The following COQ8A variants were observed in gnomAD, a reference collection of about 807,000 sequenced individuals.
The protein encoded by COQ8A is coenzyme Q8A.
COQ8A carries 51 observed loss-of-function variants against 65.0 expected under a neutral mutation model. The ratio of observed to expected loss-of-function variants is 0.78; its 90% CI spans 0.63 to 0.99. The LOEUF is 0.99. COQ8A is among the 50% of genes least tolerant of loss of function. The pLI is 0.00. For missense variants in COQ8A, 940 were observed against 875.0 expected (o/e 1.07, Z -0.94); for synonymous variants, 371 against 353.2 (o/e 1.05, Z -0.57).
At chr1:226,951,736 A>T (rs1373905223) in intron 1 of COQ8A, among the ~76,000 whole-genome samples, 2 of 152,090 alleles carry the variant, frequency 1.3e-5, no homozygotes, top group Non-Finnish European at 2.9e-5. Context: ...TGGGTCATAG[A>T]TCTTTCTTGC....
chr1:226,986,374 C>G lies in COQ8A; in HGVS notation c.1660-79C>G, dbSNP rs1660113093. 8 of 1,517,206 alleles carry G rather than the reference C, an allele frequency of 5.3e-6. No individual in the cohort carries two copies. In the South Asian group the frequency reaches 8.0e-5, roughly 15 times the overall value. 94.0% of individuals were successfully genotyped at this position (1,517,206 alleles called of 1,614,324 possible). A position where few individuals can be genotyped will look rare whatever the true frequency, so the allele number is the denominator to read the frequency against. On this transcript the variant is annotated intron_variant, in intron 14 of 14. Transcript: ENST00000366777. ...GAGCTTTGAATGAGAACTCAGCGCC[C>G]CGGGCACTGTGGGAGGAACCCGGGC...
At chr1:226,968,707 C>G (rs1318257140) in intron 4 of COQ8A, among the ~76,000 whole-genome samples, 1 of 152,022 alleles carries the variant, frequency 6.6e-6, no homozygotes, top group Non-Finnish European at 1.5e-5. Context: ...GGGTTTTCAG[C>G]GAGGTTGGCA....
chr1:226,982,966 G>A lies in COQ8A; in HGVS notation c.1012G>A (p.Ala338Thr), dbSNP rs370159265. 9 of 1,604,390 alleles carry A rather than the reference G, an allele frequency of 5.6e-6. No individual in the cohort carries two copies. The highest frequency in any genetic ancestry group is 1.7e-4 in the Middle Eastern group (1 of 5,990). The part of the protein sequence containing the change: ...LEYFEERPFA[A>T]ASIGQVHLAR... ...ATACTTCGAGGAGCGGCCCTTCGCC[G>A]CCGCATCCATTGGGCAGGTGCACTT... Residue 338 changes from alanine (A) to threonine (T), a missense_variant, in exon 8 of 15, where the codon GCC (alanine) becomes ACC (threonine). Ala to Thr is a moderately conservative substitution (Grantham distance 58). Transcript: ENST00000366777.
At chr1:226,983,070 G>A (rs778746399) in intron 8 of COQ8A, 36 bp downstream of exon 8, 11 of 1,557,460 alleles carry the variant, frequency 7.1e-6, no homozygotes, top group Non-Finnish European at 8.7e-6. Flanking sequence ...GTCCCTATGG[G>A]GGCTGCAAGG....
intron 4 of COQ8A, among the ~76,000 whole-genome samples, chr1:226,974,625 G>T (rs1008818903): frequency 6.6e-6 from 1 of 152,206 alleles, no homozygotes; most frequent in African/African-American, 2.4e-5. Context: ...TCTGGGGCGG[G>T]AGGGCCTCAG....
Position 226,983,745 on chromosome 1 carries a change from C to T in COQ8A, c.1163-16C>T. 6.2e-7 allele frequency: 1 copy of T among 1,613,110 alleles called. No individual in the cohort carries two copies. The highest frequency in any genetic ancestry group is 8.5e-7 in the Non-Finnish European group (1 of 1,179,918). ...CAGAGCCCCCTTCCTCGCTGATGCC[C>T]TCCTCCCTGGCCCAGGCCTGTTCCC... On this transcript the variant is annotated splice_polypyrimidine_tract_variant and intron_variant, in intron 9 of 14. Coordinates refer to ENST00000366777, the MANE Select transcript of COQ8A (RefSeq NM_020247.5).
Position 226,965,061 on chromosome 1 carries a change from A to G in COQ8A, c.239A>G (p.His80Arg), listed in dbSNP as rs565407649. 1 of 1,613,962 alleles carries G rather than the reference A, an allele frequency of 6.2e-7. No individual in the cohort carries two copies. The highest frequency in any genetic ancestry group is 8.5e-7 in the Non-Finnish European group (1 of 1,180,016). ...TTCGGCGGCCCAGAAGGGGAGTTCC[A>G]CTTCTCAGTCCCGCATGCAGCCGGA... The part of the protein sequence containing the change: ...ENFGGPEGEF[H>R]FSVPHAAGAS... Residue 80 changes from histidine to arginine, a missense_variant, in exon 3 of 15, where the codon CAC becomes CGC. His to Arg is a conservative substitution (Grantham distance 29, BLOSUM62 0). Transcript: ENST00000366777.
In COQ8A at chr1:226,983,868, C is replaced by G. The variant is rs1488552393; in HGVS notation, c.1256+14C>G. The G allele has an allele frequency of 1.3e-6, 2 of 1,593,762 alleles. No homozygotes were observed. Among genetic ancestry groups the G allele is most frequent in the African/African-American group, 1.4e-5 (1 of 72,262 alleles). On this transcript the variant is annotated intron_variant, in intron 10 of 14. Coordinates refer to ENST00000366777, the MANE Select transcript of COQ8A (RefSeq NM_020247.5). ...CCGCAAGTTCAGGTGTGGCCCCCGG[C>G]CGGGCCCCTTGCGTGTTTGCACCAG...
At chr1:226,978,945 C>CTGA (rs1659525633) in intron 5 of COQ8A, among the ~76,000 whole-genome samples, 1 of 150,616 alleles carries the variant, frequency 6.6e-6, no homozygotes, top group African/African-American at 2.4e-5. Flanking sequence ...CACACACCCA[C>CTGA]ACACCTTACC....
intron 1 of COQ8A, among the ~76,000 whole-genome samples, chr1:226,955,927 C>T (rs1338008234): frequency 7.0e-6 from 1 of 141,964 alleles, no homozygotes; most frequent in Non-Finnish European, 1.5e-5. Context: ...TTCACACTCT[C>T]CCTGGTTCCC....
Position 226,982,904 on chromosome 1 carries a change from A to T in COQ8A, c.950A>T (p.Asn317Ile), listed in dbSNP as rs759826134. 6.2e-7 allele frequency: 1 copy of T among 1,612,666 alleles called. No individual in the cohort carries two copies. The highest frequency in any genetic ancestry group is 1.1e-5 in the South Asian group (1 of 91,042). Reference sequence around the variant, plus strand: ...GGCCCTGCCCTTCAGAAAACTCTCAACAACGACCTGGGCCCCAACTGGCGG... The same window carrying T: ...GGCCCTGCCCTTCAGAAAACTCTCATCAACGACCTGGGCCCCAACTGGCGG... ...MPLKQMMKTL[N>I]NDLGPNWRDK... The change falls in exon 8 of 15, where the codon AAC becomes ATC. Residue 317 changes from asparagine to isoleucine, a missense_variant. Transcript: ENST00000366777.
At position 226,983,795 on chromosome 1, in the gene COQ8A, G is replaced by A; in HGVS notation, c.1197G>A (p.Arg399=). The A allele has an allele frequency of 6.2e-7, 1 of 1,612,814 alleles. No individual in the cohort carries two copies. The highest frequency in any genetic ancestry group is 8.5e-7 in the Non-Finnish European group (1 of 1,179,996). Residue 399 remains arginine (R), a synonymous_variant, in exon 10 of 15, where the codon AGG becomes AGA. Transcript: ENST00000366777. ...CCGAGCACCTGATCGACGTGCTGAGGCGGGAGCTGGCCCTGGAGTGTGACT... is the reference window on the plus strand; with the variant it reads ...CCGAGCACCTGATCGACGTGCTGAGACGGGAGCTGGCCCTGGAGTGTGACT... ...LFPEHLIDVL[R]RELALECDYQ...
chr1:226,971,115 A>G (rs1365302911), intron 4 of COQ8A, among the ~76,000 whole-genome samples: 1 of 151,642 alleles, frequency 6.6e-6, no homozygotes, highest in East Asian at 2.0e-4. Flanking sequence ...TAATTTTTGT[A>G]TTTTTAGCAG....
At chr1:226,964,892 G>A in intron 2 of COQ8A, 108 bp from the exon 3 acceptor site, 1 of 1,295,302 alleles carries the variant, frequency 7.7e-7, no homozygotes, top group Non-Finnish European at 1.1e-6. Flanking sequence ...TCTGGAGGTG[G>A]GAGGGGGCGG....
chr1:226,977,009 G>A (rs182731537), intron 4 of COQ8A, among the ~76,000 whole-genome samples: 3 of 152,316 alleles, frequency 2.0e-5, no homozygotes, highest in Admixed American at 2.0e-4. Flanking sequence ...GGGAAGTCTA[G>A]GTGATGGGAG....
Position 226,972,175 on chromosome 1 carries a change from T to A in COQ8A, c.656-5274T>A, listed in dbSNP as rs142432899. 4.4e-3 allele frequency among the ~76,000 whole-genome samples: 665 copies of A among 152,014 alleles called. 6 individuals carry two copies. The highest frequency in any genetic ancestry group is 4.5e-3 in the Non-Finnish European group (307 of 67,966). ...ACTAGAGAAGACTTGCCAGAAGGAG[T>A]TGAGCACTGCTTTGTGCATAGCTCT... is the stretch of plus-strand genomic sequence containing the variant. On this transcript the variant is annotated intron_variant, in intron 4 of 14. Transcript: ENST00000366777. The surrounding 1 kb of genome is among the most constrained non-coding windows in gnomAD (Gnocchi z 4.3).
chr1:226,984,022 G>A, intron 10 of COQ8A, 72 bp from the exon 11 acceptor site: 1 of 1,548,194 alleles, frequency 6.5e-7, no homozygotes. Context: ...CTGCCTGGTT[G>A]GGGGGTGTGT....
chr1:226,960,512 G>A (rs1658170739), intron 1 of COQ8A, among the ~76,000 whole-genome samples: 4 of 151,940 alleles, frequency 2.6e-5, no homozygotes, highest in Admixed American at 6.6e-5. Flanking sequence ...GCTTGGTGGT[G>A]GTGGTGGTGC....
chr1:226,983,705 AG>A (rs1659861399), intron 9 of COQ8A, 55 bp from the exon 10 acceptor site: 1 of 1,611,946 alleles, frequency 6.2e-7, no homozygotes, highest in Middle Eastern at 1.7e-4. Flanking sequence ...TGGGGACCAG[AG>A]GGGGTCCTCC....
Sources: allele counts gnomAD v4.1 joint callset (sites outside exome capture counted in the v4.1 genomes callset), GRCh38; gene constraint gnomAD v4.1.1; non-coding constraint Gnocchi (gnomAD v3.1); transcripts MANE v1.5; gene names NCBI Gene and HGNC (gene_info 2026-07-23, HGNC 2026-07-21).